PLPPR1: variants seen among roughly 807,000 people sequenced by gnomAD.
The protein encoded by PLPPR1 is phospholipid phosphatase related 1, also known as phospholipid phosphatase-related protein type 1.
Under a neutral mutation model 33.1 loss-of-function variants are expected in PLPPR1, and 10 were observed. The ratio of observed to expected loss-of-function variants is 0.30; its 90% confidence interval spans 0.19 to 0.51. The LOEUF is 0.51. Among genes scored for constraint, PLPPR1 ranks in the 20% least tolerant of loss-of-function variants. The pLI is 0.97. For missense variants in PLPPR1, 304 were observed against 408.1 expected, an observed-to-expected ratio of 0.74 and a Z score of 2.20; for synonymous variants, 151 against 151.0, an observed-to-expected ratio of 1.00 and a Z score of 0.00.
At chr9:101,045,146 C>T (rs569185094) in intron 1 of PLPPR1, among the ~76,000 whole-genome samples, 1 of 152,304 alleles carries the variant, frequency 6.6e-6, no homozygotes, top group Admixed American at 6.5e-5. Context: ...GGTTTGAAAG[C>T]ACCAAACTCA....
chr9:101,275,853 A>G (rs1828182049), intron 3 of PLPPR1, among the ~76,000 whole-genome samples: 1 of 152,174 alleles, frequency 6.6e-6, no homozygotes, highest in Non-Finnish European at 1.5e-5. Context: ...TTTGTATGCA[A>G]GTGTGCGCGC....
chr9:101,201,460 A>G (rs1009238525), intron 2 of PLPPR1, among the ~76,000 whole-genome samples: 1 of 152,192 alleles, frequency 6.6e-6, no homozygotes, highest in Non-Finnish European at 1.5e-5. Flanking sequence ...CTGGAGTAAG[A>G]CAGCATGGTA....
intron 2 of PLPPR1, among the ~76,000 whole-genome samples, chr9:101,248,790 C>T (rs545345224): frequency 5.4e-4 from 82 of 152,190 alleles, no homozygotes; most frequent in Non-Finnish European, 1.0e-3. Flanking sequence ...GTGTCTGCTT[C>T]TCCAAGTGAA....
At chr9:101,049,358 T>A (rs1830191917) in intron 1 of PLPPR1, among the ~76,000 whole-genome samples, 1 of 152,206 alleles carries the variant, frequency 6.6e-6, no homozygotes, top group Non-Finnish European at 1.5e-5. Context: ...ATTGAATAAA[T>A]TTATAGAGTA....
At chr9:101,126,732 A>T (rs1831250303) in intron 1 of PLPPR1, among the ~76,000 whole-genome samples, 1 of 152,200 alleles carries the variant, frequency 6.6e-6, no homozygotes, top group African/African-American at 2.4e-5. Context: ...CTAGTAAAAC[A>T]TACTTTTTTT....
chr9:101,034,304 T>C (rs1829983756), intron 1 of PLPPR1, among the ~76,000 whole-genome samples: 1 of 152,124 alleles, frequency 6.6e-6, no homozygotes, highest in Non-Finnish European at 1.5e-5. Flanking sequence ...ATACAGCAGA[T>C]GCTCTTCTTC....
chr9:101,060,952 C>T (rs1830340180), intron 1 of PLPPR1, among the ~76,000 whole-genome samples: 1 of 151,698 alleles, frequency 6.6e-6, no homozygotes. Flanking sequence ...TCTTATTTAC[C>T]AAACCAAACT....
chr9:101,118,207 G>A (rs1831138448), intron 1 of PLPPR1, among the ~76,000 whole-genome samples: 1 of 152,210 alleles, frequency 6.6e-6, no homozygotes, highest in African/African-American at 2.4e-5. Flanking sequence ...AATGTTTCAG[G>A]ATCTCAGGTG....
chr9:101,313,612 C>A (rs1829001548), intron 6 of PLPPR1, among the ~76,000 whole-genome samples: 2 of 152,108 alleles, frequency 1.3e-5, no homozygotes, highest in Non-Finnish European at 1.5e-5. Flanking sequence ...TCTTGTATTT[C>A]TGATTATGTT....
intron 1 of PLPPR1, among the ~76,000 whole-genome samples, chr9:101,158,726 A>C (rs1361551484): frequency 6.6e-6 from 1 of 152,204 alleles, no homozygotes; most frequent in Non-Finnish European, 1.5e-5. Flanking sequence ...CTGGAGTTTT[A>C]CTTCTCTGGC....
At chr9:101,204,209 G>A (rs1238751639) in intron 2 of PLPPR1, among the ~76,000 whole-genome samples, 1 of 152,130 alleles carries the variant, frequency 6.6e-6, no homozygotes, top group Non-Finnish European at 1.5e-5. Context: ...GGTGTGAAAG[G>A]GGTAGTAGCA....
chr9:101,055,570 T>C (rs1425701162), intron 1 of PLPPR1, among the ~76,000 whole-genome samples: 10 of 152,356 alleles, frequency 6.6e-5, no homozygotes, highest in African/African-American at 2.4e-4. Flanking sequence ...CTTTATGCTA[T>C]CTTCCTGCTC....
chr9:101,187,901 A>G (rs1463874715), intron 2 of PLPPR1: 2 of 151,996 alleles, frequency 1.3e-5, no homozygotes, highest in Non-Finnish European at 2.9e-5. Flanking sequence ...GCCAGAAGTC[A>G]TTATATGTAT....
intron 1 of PLPPR1, among the ~76,000 whole-genome samples, chr9:101,081,369 A>G (rs1425985942): frequency 6.6e-6 from 1 of 151,944 alleles, no homozygotes; most frequent in East Asian, 1.9e-4. Flanking sequence ...TAATTTTTGT[A>G]TTTTTAGTAG....
chr9:101,120,621 T>G lies in PLPPR1; in HGVS notation c.-45-64829T>G, dbSNP rs546900914. Among the ~76,000 whole-genome samples, 48 of 152,330 alleles carry G rather than the reference T, an allele frequency of 3.2e-4. 1 individual carries two copies. The highest frequency in any genetic ancestry group is 3.4e-3 in the Middle Eastern group (1 of 294). On this transcript the variant is annotated intron_variant, in intron 1 of 7. Coordinates refer to ENST00000374874, the MANE Select transcript of PLPPR1 (RefSeq NM_207299.2). ...ATCTCCTTCTTTTATCTTAAGATAT[T>G]TCCATTTCTTCAGCTAAACAATGGA...
chr9:101,312,995 T>C (rs1004553817), intron 6 of PLPPR1, 21 bp downstream of exon 6: 1 of 1,612,906 alleles, frequency 6.2e-7, no homozygotes, highest in Admixed American at 1.7e-5. Flanking sequence ...TTCCCTCTTT[T>C]TACCTTTTCC....
chr9:101,198,804 GA>G (rs1423451064), intron 2 of PLPPR1, among the ~76,000 whole-genome samples: 1 of 152,228 alleles, frequency 6.6e-6, no homozygotes, highest in Non-Finnish European at 1.5e-5. Flanking sequence ...AAGGTACTGA[GA>G]ATTTGAAGAG....
At chr9:101,035,816 G>A (rs1830004076) in intron 1 of PLPPR1, among the ~76,000 whole-genome samples, 1 of 152,146 alleles carries the variant, frequency 6.6e-6, no homozygotes, top group Non-Finnish European at 1.5e-5. Flanking sequence ...TTCGTTAGAA[G>A]TTACCTAGTC....
At chr9:101,268,299 G>C (rs577035180) in intron 2 of PLPPR1, among the ~76,000 whole-genome samples, 2 of 150,292 alleles carry the variant, frequency 1.3e-5, no homozygotes, top group Non-Finnish European at 3.0e-5. Context: ...AAAGAAAAAA[G>C]AAAATGATGC....
Sources: allele counts gnomAD v4.1 joint callset (sites outside exome capture counted in the v4.1 genomes callset), GRCh38; gene constraint gnomAD v4.1.1; transcripts MANE v1.5; gene names NCBI Gene and HGNC (gene_info 2026-07-23, HGNC 2026-07-21).